Variants in COX6C observed in about 807,000 individuals in gnomAD.
COX6C encodes cytochrome c oxidase subunit 6C, also known as cytochrome c oxidase polypeptide VIc.
Under a neutral mutation model 6.9 loss-of-function variants are expected in COX6C, and 3 were observed. The ratio of observed to expected loss-of-function variants is 0.43; its 90% CI spans 0.20 to 1.12. The LOEUF is 1.12. COX6C is among the 50% of genes most tolerant of loss of function. The probability of loss-of-function intolerance (pLI) is 0.27; values close to 1 mark genes in which losing one functional copy is unlikely to be tolerated. For missense variants in COX6C, 101 were observed against 97.3 expected, an observed-to-expected ratio of 1.04 and a Z score of -0.16; for synonymous variants, 32 against 32.0, an observed-to-expected ratio of 1.00 and a Z score of 0.00.
chr8:99,878,330 G>A (rs1817783568), intron 3 of COX6C, 65 bp from the exon 4 acceptor site: 1 of 152,220 alleles, frequency 6.6e-6, no homozygotes, highest in African/African-American at 2.4e-5. Context: ...CCATCTTTGA[G>A]GATCAACTGA....
At chr8:99,888,304 G>A (rs1318834457) in intron 2 of COX6C, among the ~76,000 whole-genome samples, 4 of 152,066 alleles carry the variant, frequency 2.6e-5, no homozygotes, top group African/African-American at 4.8e-5. Context: ...CGGGCGTGGT[G>A]GCTCATGCCT....
intron 2 of COX6C, among the ~76,000 whole-genome samples, chr8:99,888,752 G>A (rs1218224657): frequency 6.6e-6 from 1 of 152,220 alleles, no homozygotes; most frequent in Admixed American, 6.5e-5. Context: ...AGGCCAGACT[G>A]TTGGACCCAG....
chr8:99,887,420 C>T, intron 3 of COX6C, 70 bp downstream of exon 3: 1 of 790,052 alleles, frequency 1.3e-6, no homozygotes, highest in Non-Finnish European at 1.9e-6. Context: ...TTGTGAGGGA[C>T]AGTCACCTGT....
intron 2 of COX6C, among the ~76,000 whole-genome samples, chr8:99,888,020 G>GGCC (rs1817969810): frequency 6.7e-6 from 1 of 149,602 alleles, no homozygotes; most frequent in African/African-American, 2.5e-5. Context: ...GAACCCGGGA[G>GGCC]ACGGAGGTTG....
chr8:99,893,509 G>C (rs1264801733), intron 1 of COX6C, 130 bp downstream of exon 1: 2 of 152,322 alleles, frequency 1.3e-5, no homozygotes, highest in African/African-American at 4.8e-5. Context: ...GTAGATGCGG[G>C]AGAGGCCTGA....
chr8:99,892,067 A>G lies in COX6C; in HGVS notation c.-31-15T>C. 7.0e-7 allele frequency: 1 copy of G among 1,425,826 alleles called. No individual in the cohort carries two copies. The highest frequency in any genetic ancestry group is 9.7e-7 in the Non-Finnish European group (1 of 1,033,184). 88.3% of individuals were successfully genotyped at this position (1,425,826 alleles called of 1,614,324 possible). A position where few individuals can be genotyped will look rare whatever the true frequency, so the allele number is the denominator to read the frequency against. On this transcript the variant is annotated splice_polypyrimidine_tract_variant and intron_variant, in intron 1 of 3. Coordinates refer to ENST00000520468, the MANE Select transcript of COX6C (RefSeq NM_004374.4). ...CGTATGCTAACCTTAAGAGATTCAG[A>G]AAATATGATTAAGTACAGAGTTTAT...
At chr8:99,888,298 C>T (rs372349810) in intron 2 of COX6C, among the ~76,000 whole-genome samples, 6 of 151,966 alleles carry the variant, frequency 3.9e-5, no homozygotes, top group African/African-American at 4.8e-5. Flanking sequence ...AGAGGTCGGG[C>T]GTGGTGGCTC....
chr8:99,885,189 A>G (rs1006613005), intron 3 of COX6C, among the ~76,000 whole-genome samples: 5 of 152,228 alleles, frequency 3.3e-5, no homozygotes, highest in Non-Finnish European at 5.9e-5. Flanking sequence ...CTGTGGTTCA[A>G]AAACAGGTGA....
intron 3 of COX6C, among the ~76,000 whole-genome samples, chr8:99,883,938 A>G (rs1378707264): frequency 6.6e-6 from 1 of 152,230 alleles, no homozygotes; most frequent in Non-Finnish European, 1.5e-5. Flanking sequence ...ATGCAGAAAA[A>G]GTACTTGACA....
chr8:99,881,863 A>T (rs575764907), intron 3 of COX6C, among the ~76,000 whole-genome samples: 1 of 152,228 alleles, frequency 6.6e-6, no homozygotes, highest in Non-Finnish European at 1.5e-5. Context: ...CTCACTGTAG[A>T]TCTAAGGACA....
At chr8:99,888,382 C>T (rs1042711004) in intron 2 of COX6C, among the ~76,000 whole-genome samples, 1 of 151,890 alleles carries the variant, frequency 6.6e-6, no homozygotes, top group Non-Finnish European at 1.5e-5. Context: ...ACCAGCCTGG[C>T]CAACATGATG....
chr8:99,889,545 C>T (rs977954230), intron 2 of COX6C, among the ~76,000 whole-genome samples: 2 of 151,882 alleles, frequency 1.3e-5, no homozygotes, highest in Non-Finnish European at 1.5e-5. Flanking sequence ...GACACCACGC[C>T]CGGCTAATTT....
At chr8:99,886,715 C>G (rs1270506350) in intron 3 of COX6C, among the ~76,000 whole-genome samples, 1 of 152,134 alleles carries the variant, frequency 6.6e-6, no homozygotes, top group East Asian at 1.9e-4. Flanking sequence ...CATGGATGAA[C>G]CTTGAGTACA....
Position 99,888,374 on chromosome 8 carries a change from C to T in COX6C, c.115-756G>A, listed in dbSNP as rs145235176. Among the ~76,000 whole-genome samples, 615 of 152,110 alleles carry T rather than the reference C, an allele frequency of 4.0e-3. 8 individuals are homozygous for T. Among genetic ancestry groups the T allele is most frequent in the African/African-American group, 0.014 (589 of 41,506 alleles). Reference sequence around the variant, plus strand: ...AATCACAAGGTCAGGAATTGGAGACCAGCCTGGCCAACATGATGAAACCCC... The same window carrying T: ...AATCACAAGGTCAGGAATTGGAGACTAGCCTGGCCAACATGATGAAACCCC... On this transcript the variant is annotated intron_variant, in intron 2 of 3. Transcript: ENST00000520468.
At chr8:99,878,629 T>C (rs895101995) in intron 3 of COX6C, 1 of 139,118 alleles carries the variant, frequency 7.2e-6, no homozygotes, top group African/African-American at 2.6e-5. Flanking sequence ...TTCCAAGCCA[T>C]ATTTTTGTTC....
chr8:99,887,892 A>C (rs968044472), intron 2 of COX6C, among the ~76,000 whole-genome samples: 1 of 152,110 alleles, frequency 6.6e-6, no homozygotes, highest in African/African-American at 2.4e-5. Context: ...CAACAGAGAA[A>C]GAAAAAATGA....
chr8:99,890,265 T>C (rs1818014869), intron 2 of COX6C, among the ~76,000 whole-genome samples: 1 of 151,866 alleles, frequency 6.6e-6, no homozygotes, highest in Non-Finnish European at 1.5e-5. Flanking sequence ...ACCCAGCCCC[T>C]CTCCCTAACT....
intron 3 of COX6C, among the ~76,000 whole-genome samples, chr8:99,879,585 T>A (rs191902305): frequency 6.6e-6 from 1 of 152,242 alleles, no homozygotes; most frequent in Non-Finnish European, 1.5e-5. Context: ...TAGAAACCAG[T>A]TGAGCAGCAA....
intron 3 of COX6C, chr8:99,878,879 T>A (rs1305991776): frequency 1.3e-5 from 2 of 152,164 alleles, no homozygotes; most frequent in Admixed American, 6.5e-5. Flanking sequence ...TGACTTACAA[T>A]TTTTTTGACT....
Sources: allele counts gnomAD v4.1 joint callset (sites outside exome capture counted in the v4.1 genomes callset), GRCh38; gene constraint gnomAD v4.1.1; transcripts MANE v1.5; gene names NCBI Gene and HGNC (gene_info 2026-07-23, HGNC 2026-07-21).